CAMK4: variants seen among roughly 807,000 people sequenced by gnomAD.
CAMK4 encodes calcium/calmodulin-dependent protein kinase type IV.
In CAMK4, 22 loss-of-function variants were observed where a neutral mutation model predicts 44.9. The ratio of observed to expected loss-of-function variants is 0.49; its 90% CI spans 0.35 to 0.70. The LOEUF (loss-of-function observed/expected upper bound fraction) is 0.70, where lower values mean the gene tolerates loss of function less well. CAMK4 is among the 30% of genes least tolerant of loss of function. The pLI is 0.01. For missense variants in CAMK4, 498 were observed against 586.8 expected, an observed-to-expected ratio of 0.85 and a Z score of 1.56; for synonymous variants, 218 against 215.4, an observed-to-expected ratio of 1.01 and a Z score of -0.11.
chr5:111,343,852 A>G (rs1286866692), intron 1 of CAMK4, among the ~76,000 whole-genome samples, 172 bp from the exon 2 acceptor site: 1 of 42,472 alleles, frequency 2.4e-5, no homozygotes, highest in Non-Finnish European at 5.4e-5. Context: ...ACTGTGTTCA[A>G]TTGTGATAAA....
At chr5:111,295,819 C>T (rs1188517305) in intron 1 of CAMK4, among the ~76,000 whole-genome samples, 1 of 152,112 alleles carries the variant, frequency 6.6e-6, no homozygotes, top group Admixed American at 6.5e-5. Flanking sequence ...ACAATTTGAA[C>T]AAATATGCTT....
intron 5 of CAMK4, among the ~76,000 whole-genome samples, chr5:111,420,942 C>T (rs952982258): frequency 6.6e-6 from 1 of 152,080 alleles, no homozygotes; most frequent in Non-Finnish European, 1.5e-5. Context: ...CCTGAGGCAA[C>T]ATACATCCTC....
chr5:111,227,262 T>C (rs912680545), intron 1 of CAMK4, among the ~76,000 whole-genome samples: 3 of 152,226 alleles, frequency 2.0e-5, no homozygotes, highest in Admixed American at 6.5e-5. Context: ...GCTGAGTGAC[T>C]AAAATCTTCT....
At chr5:111,467,934 TCACACACACACACACACACACACA>T in intron 7 of CAMK4, among the ~76,000 whole-genome samples, 1 of 143,460 alleles carries the variant, frequency 7.0e-6, no homozygotes, top group East Asian at 2.1e-4. Flanking sequence ...AAAGAAATTG[TCACACACACACACACACACACACA>T]CACACACACA....
chr5:111,320,167 A>AT (rs558966543), intron 1 of CAMK4, among the ~76,000 whole-genome samples: 10 of 152,178 alleles, frequency 6.6e-5, no homozygotes, highest in Non-Finnish European at 1.0e-4. Flanking sequence ...TGCTAGGGAG[A>AT]AAAGGGAAGA....
intron 2 of CAMK4, among the ~76,000 whole-genome samples, chr5:111,356,703 G>C (rs1287145498): frequency 3.3e-5 from 5 of 152,136 alleles, no homozygotes; most frequent in African/African-American, 1.2e-4. Flanking sequence ...AAGGGATCCA[G>C]TTTCAGCTTT....
intron 1 of CAMK4, among the ~76,000 whole-genome samples, chr5:111,291,995 A>C (rs1231010754): frequency 1.3e-5 from 2 of 152,248 alleles, no homozygotes; most frequent in African/African-American, 4.8e-5. Context: ...GCTTAAGAAA[A>C]TGCAAAAGCC....
At chr5:111,439,154 C>A (rs1454532657) in intron 5 of CAMK4, among the ~76,000 whole-genome samples, 8 of 152,150 alleles carry the variant, frequency 5.3e-5, no homozygotes, top group Admixed American at 5.2e-4. Flanking sequence ...AAGAGCTACA[C>A]AATCAAACAC....
At chr5:111,232,309 A>G (rs1748511125) in intron 1 of CAMK4, among the ~76,000 whole-genome samples, 2 of 152,292 alleles carry the variant, frequency 1.3e-5, no homozygotes, top group East Asian at 1.9e-4. Flanking sequence ...TCTAAGAACA[A>G]TAGCCATCTT....
At chr5:111,352,676 A>G (rs1580637082) in intron 2 of CAMK4, among the ~76,000 whole-genome samples, 10 of 133,128 alleles carry the variant, frequency 7.5e-5, no homozygotes, top group South Asian at 5.7e-4. Context: ...AGAGGGAGGG[A>G]GGGAAGGGGA....
chr5:111,424,743 A>G (rs994906648), intron 5 of CAMK4, among the ~76,000 whole-genome samples: 31 of 151,198 alleles, frequency 2.1e-4, no homozygotes, highest in Admixed American at 3.3e-4. Context: ...CACCGCGTCC[A>G]GCCACATCTT....
intron 1 of CAMK4, among the ~76,000 whole-genome samples, chr5:111,256,160 A>T (rs1377052176): frequency 6.6e-6 from 1 of 152,238 alleles, no homozygotes; most frequent in Non-Finnish European, 1.5e-5. Context: ...CTCAAGGGCC[A>T]TATGTTAGTG....
intron 1 of CAMK4, among the ~76,000 whole-genome samples, chr5:111,329,224 A>G (rs767277178): frequency 1.8e-4 from 28 of 151,956 alleles, no homozygotes; most frequent in Non-Finnish European, 2.9e-4. Context: ...GATGGGATGT[A>G]TCTCAAAATA....
chr5:111,310,925 G>A (rs964674392), intron 1 of CAMK4, among the ~76,000 whole-genome samples: 2 of 152,052 alleles, frequency 1.3e-5, no homozygotes, highest in African/African-American at 4.8e-5. Flanking sequence ...CAGTGGTGAG[G>A]ATCATTTTCA....
rs1182655803 is a variant in CAMK4, at chr5:111,492,692, G to C, written c.*8226G>C. 5 of 152,322 alleles carry C rather than the reference G, an allele frequency of 3.3e-5. No individual in the cohort carries two copies. The East Asian group carries it at 9.7e-4, about 29-fold the overall frequency. 9.4% of individuals were successfully genotyped at this position (152,322 alleles called of 1,614,324 possible). A position where few individuals can be genotyped will look rare whatever the true frequency, so the allele number is the denominator to read the frequency against. On this transcript the variant is annotated 3_prime_UTR_variant, in exon 11 of 11. Coordinates refer to ENST00000282356, the MANE Select transcript of CAMK4 (RefSeq NM_001744.6). ...GCTTCCCAGGAGCAGCCCCCTCCAG[G>C]AACAATTTTCCCTGTGAACTTTCAC...
upstream of CAMK4, chr5:111,223,840 G>A (rs1003471625): frequency 2.0e-5 from 3 of 152,684 alleles, no homozygotes; most frequent in African/African-American, 7.2e-5. The surrounding 1 kb of genome is among the most constrained non-coding windows in gnomAD (Gnocchi z 4.3). Context: ...GACAGAGGAT[G>A]GCTGGTTAGC....
At chr5:111,357,136 A>G (rs942656640) in intron 2 of CAMK4, among the ~76,000 whole-genome samples, 2 of 152,146 alleles carry the variant, frequency 1.3e-5, no homozygotes, top group Non-Finnish European at 2.9e-5. Context: ...AATGGAATCT[A>G]TGGAGCAGAA....
In CAMK4 at chr5:111,252,165, A is replaced by G. The variant is rs149388297; in HGVS notation, c.161+27521A>G. 5.2e-3 allele frequency among the ~76,000 whole-genome samples: 786 copies of G among 152,280 alleles called. 1 individual carries two copies. The highest frequency in any genetic ancestry group is 7.4e-3 in the Non-Finnish European group (502 of 68,024). On this transcript the variant is annotated intron_variant, in intron 1 of 10. Transcript: ENST00000282356. ...GGGAATTACCCCTAAGTCTGTCGTCATACACTTTCCAAGAATGGATCTAGT... is the reference window on the plus strand; with the variant it reads ...GGGAATTACCCCTAAGTCTGTCGTCGTACACTTTCCAAGAATGGATCTAGT...
Position 111,485,124 on chromosome 5 carries a change from A to C in CAMK4, c.*658A>C, listed in dbSNP as rs745762410. ...TTAATAATAACCAAAATGTTCTAAG[A>C]TTCTGCCATTTTACAACCCTGGAGG... On this transcript the variant is annotated 3_prime_UTR_variant, in exon 11 of 11. Transcript: ENST00000282356. The C allele has an allele frequency of 6.6e-6, 1 of 152,146 alleles. No individual in the cohort carries two copies. The highest frequency in any genetic ancestry group is 1.5e-5 in the Non-Finnish European group (1 of 68,028). The allele number at this position is 152,146 out of a possible 1,614,324, so 9.4% of individuals were successfully genotyped here. A position where few individuals can be genotyped will look rare whatever the true frequency, so the allele number is the denominator to read the frequency against.
Sources: gnomAD v4.1 joint callset for allele counts (sites outside exome capture counted in the v4.1 genomes callset) on GRCh38, gnomAD v4.1.1 for gene constraint, Gnocchi (gnomAD v3.1) non-coding constraint, MANE v1.5 for transcripts, NCBI Gene and HGNC (gene_info 2026-07-23, HGNC 2026-07-21) for gene names.